WWOX: variants seen among roughly 807,000 people sequenced by gnomAD.
The protein encoded by WWOX is WW domain-containing oxidoreductase.
In WWOX, 69 loss-of-function variants were observed where a neutral mutation model predicts 46.2. The observed-to-expected ratio is 1.49, with a 90% confidence interval of 1.23 to 1.82. WWOX has a LOEUF of 1.82. Ranked by LOEUF, WWOX falls within the 40% of genes most tolerant of loss-of-function variation. The pLI is 0.00. For synonymous variants in WWOX, 359 were observed against 202.6 expected, an observed-to-expected ratio of 1.77 and a Z score of -6.56; for missense variants, 919 against 542.6, an observed-to-expected ratio of 1.69 and a Z score of -6.89.
chr16:79,188,688 A>C (rs2051068353), intron 8 of WWOX, among the ~76,000 whole-genome samples: 1 of 152,198 alleles, frequency 6.6e-6, no homozygotes, highest in Admixed American at 6.5e-5. Flanking sequence ...GGGTCCTCCA[A>C]GTCTCTTAGC....
At chr16:79,183,098 G>A (rs925487871) in intron 8 of WWOX, among the ~76,000 whole-genome samples, 1 of 152,196 alleles carries the variant, frequency 6.6e-6, no homozygotes, top group Non-Finnish European at 1.5e-5. Context: ...GTACTCCACT[G>A]CTGGCCTTCA....
rs114149876 is a variant in WWOX at position 78,461,197 on chromosome 16, C to G, written c.1056+28445C>G. ...CCATGAATTGTGGCCTTAACTTTCTCATGTACTTACTTTAAATCAGAGAGC... is the reference window on the plus strand; with the variant it reads ...CCATGAATTGTGGCCTTAACTTTCTGATGTACTTACTTTAAATCAGAGAGC... On this transcript the variant is annotated intron_variant, in intron 8 of 8. Transcript: ENST00000566780. Among the ~76,000 whole-genome samples, 431 of 152,260 alleles carry G rather than the reference C, an allele frequency of 2.8e-3. 3 individuals are homozygous for G. Among genetic ancestry groups the G allele is most frequent in the African/African-American group, 9.9e-3 (413 of 41,536 alleles).
chr16:78,470,168 C>T (rs974149564), intron 8 of WWOX, among the ~76,000 whole-genome samples: 1 of 152,186 alleles, frequency 6.6e-6, no homozygotes, highest in Non-Finnish European at 1.5e-5. Flanking sequence ...TCCAGCACTG[C>T]CCTGCTGTTG....
chr16:78,950,426 C>G (rs1402612418), intron 8 of WWOX, among the ~76,000 whole-genome samples: 2 of 151,718 alleles, frequency 1.3e-5, no homozygotes, highest in African/African-American at 2.4e-5. Flanking sequence ...CTTGTCAGCT[C>G]CTGATGAAAA....
At chr16:79,109,150 C>T (rs142813247) in intron 8 of WWOX, among the ~76,000 whole-genome samples, 27 of 152,158 alleles carry the variant, frequency 1.8e-4, no homozygotes, top group Non-Finnish European at 3.5e-4. Context: ...AGGCAGGGGG[C>T]ACTTTTCATC....
At chr16:78,114,841 C>T in intron 3 of WWOX, 135 bp from the exon 4 acceptor site, 1 of 1,080,708 alleles carries the variant, frequency 9.3e-7, no homozygotes, top group Non-Finnish European at 1.3e-6. Flanking sequence ...ATTCAGTGGG[C>T]CCCAGTTCTT....
At chr16:78,367,504 G>A (rs1018426549) in intron 5 of WWOX, among the ~76,000 whole-genome samples, 5 of 151,956 alleles carry the variant, frequency 3.3e-5, no homozygotes, top group Non-Finnish European at 7.4e-5. Flanking sequence ...TGTCACCCAG[G>A]GAAGCCAAAA....
chr16:79,007,510 C>G (rs2047213980), intron 8 of WWOX, among the ~76,000 whole-genome samples: 1 of 152,184 alleles, frequency 6.6e-6, no homozygotes, highest in South Asian at 2.1e-4. Context: ...ATGATGAAGG[C>G]CTTGTAGGGC....
chr16:78,325,211 C>T (rs572598730), intron 5 of WWOX, among the ~76,000 whole-genome samples: 2 of 152,292 alleles, frequency 1.3e-5, no homozygotes, highest in East Asian at 3.9e-4. Flanking sequence ...TTTACAAGCT[C>T]TAATCAGGAG....
chr16:79,134,299 G>C (rs2049940682), intron 8 of WWOX, among the ~76,000 whole-genome samples: 1 of 152,154 alleles, frequency 6.6e-6, no homozygotes, highest in Admixed American at 6.5e-5. Context: ...GGCAGTAAAG[G>C]ATTCACCAAG....
At chr16:78,835,977 T>C (rs527789909) in intron 8 of WWOX, among the ~76,000 whole-genome samples, 22 of 152,330 alleles carry the variant, frequency 1.4e-4, no homozygotes, top group African/African-American at 5.3e-4. Context: ...AAGCTGCCAC[T>C]TCTTCAAAGC....
At chr16:78,472,144 G>C (rs185214927) in intron 8 of WWOX, among the ~76,000 whole-genome samples, 3 of 152,228 alleles carry the variant, frequency 2.0e-5, no homozygotes, top group South Asian at 2.1e-4. Flanking sequence ...AAGTAACACA[G>C]TAAATACCTA....
intron 8 of WWOX, chr16:78,825,166 T>G (rs1247849884): frequency 6.4e-6 from 1 of 155,392 alleles, no homozygotes; most frequent in African/African-American, 2.4e-5. Flanking sequence ...CAGGGCTGAC[T>G]CCCACCCAGG....
At chr16:78,124,179 T>C (rs2033255184) in intron 4 of WWOX, 1 of 152,314 alleles carries the variant, frequency 6.6e-6, no homozygotes, top group East Asian at 1.9e-4. Context: ...TATAATTTTT[T>C]TTTCAGCAAC....
intron 8 of WWOX, among the ~76,000 whole-genome samples, chr16:78,577,774 G>T (rs1006155337): frequency 6.6e-6 from 1 of 152,110 alleles, no homozygotes; most frequent in Non-Finnish European, 1.5e-5. Flanking sequence ...GCCACTTTGC[G>T]AACGATCTGT....
intron 5 of WWOX, among the ~76,000 whole-genome samples, chr16:78,383,084 A>AG (rs1448241207): frequency 6.6e-6 from 1 of 150,530 alleles, no homozygotes; most frequent in Non-Finnish European, 1.5e-5. Context: ...AGACAGCACT[A>AG]GGGGGATGGC....
At chr16:78,379,359 A>G (rs1415123774) in intron 5 of WWOX, among the ~76,000 whole-genome samples, 2 of 152,182 alleles carry the variant, frequency 1.3e-5, no homozygotes, top group Non-Finnish European at 2.9e-5. Context: ...CTGCAGTTGC[A>G]CATGAGTAGT....
At chr16:78,428,459 G>C (rs974581963) in intron 7 of WWOX, among the ~76,000 whole-genome samples, 1 of 152,146 alleles carries the variant, frequency 6.6e-6, no homozygotes, top group African/African-American at 2.4e-5. Context: ...AGGAAATCAG[G>C]GGTCACCCTT....
At chr16:78,364,605 T>A (rs1175384649) in intron 5 of WWOX, among the ~76,000 whole-genome samples, 3 of 151,786 alleles carry the variant, frequency 2.0e-5, no homozygotes, top group East Asian at 1.9e-4. Flanking sequence ...ATAATAAAAA[T>A]AAACTGTTTG....
Sources: allele counts gnomAD v4.1 joint callset (sites outside exome capture counted in the v4.1 genomes callset), GRCh38; gene constraint gnomAD v4.1.1; transcripts MANE v1.5; gene names NCBI Gene and HGNC (gene_info 2026-07-23, HGNC 2026-07-21).